COL21A1: variants seen among roughly 807,000 people sequenced by gnomAD.
COL21A1 encodes collagen alpha-1(XXI) chain.
COL21A1 carries 149 observed loss-of-function variants against 137.9 expected under a neutral mutation model. The observed-to-expected ratio is 1.08, with a 90% CI of 0.95 to 1.24. The LOEUF is 1.24. Among genes scored for constraint, COL21A1 ranks in the 50% most tolerant of loss-of-function variants. The pLI is 0.00. For synonymous variants in COL21A1, 456 were observed against 391.5 expected (o/e 1.16, Z -1.95); for missense variants, 1,167 against 1,158.4 (o/e 1.01, Z -0.11).
intron 12 of COL21A1, among the ~76,000 whole-genome samples, chr6:56,137,232 T>C (rs1315745195): frequency 6.6e-6 from 1 of 152,148 alleles, no homozygotes; most frequent in Non-Finnish European, 1.5e-5. Flanking sequence ...CCCACAGGAC[T>C]TTTTGTGAGG....
chr6:56,319,533 T>A (rs1245165280), intron 1 of COL21A1, among the ~76,000 whole-genome samples: 2 of 152,152 alleles, frequency 1.3e-5, no homozygotes, highest in Non-Finnish European at 2.9e-5. Flanking sequence ...AGACAAGGTT[T>A]CACCATGTTG....
upstream of COL21A1, among the ~76,000 whole-genome samples, chr6:56,251,096 C>A (rs12530020): frequency 0.23 from 35,722 of 152,034 alleles, 5,592 homozygotes; most frequent in East Asian, 0.66. Flanking sequence ...CTGCCTCATC[C>A]AAATGCAGGC....
chr6:56,069,661 C>A (rs962165149), intron 21 of COL21A1, among the ~76,000 whole-genome samples: 10 of 145,616 alleles, frequency 6.9e-5, no homozygotes, highest in African/African-American at 2.5e-4. Flanking sequence ...CATATACATG[C>A]ATAATTTTAT....
Position 56,057,760 on chromosome 6 carries a change from G to A in COL21A1, c.2771C>T (p.Pro924Leu). 6.2e-7 allele frequency: 1 copy of A among 1,610,954 alleles called. No homozygotes were observed. The highest frequency in any genetic ancestry group is 8.5e-7 in the Non-Finnish European group (1 of 1,178,622). The change falls in exon 30 of 30, where the codon CCT becomes CTT. Residue 924 changes from proline to leucine, a missense_variant. Pro to Leu is a moderately conservative substitution (Grantham distance 98, BLOSUM62 -3). Coordinates refer to ENST00000244728, the MANE Select transcript of COL21A1 (RefSeq NM_030820.4). ...GGGGCCTGGTTGCCCTTGGATTCCA[G>A]GTTTTCCATGGTCTCCATCTTTGCC... Reference protein sequence around the residue: ...LPGKDGDHGKPGIQGQPGPPG... With the variant: ...LPGKDGDHGKLGIQGQPGPPG...
chr6:56,238,140 A>G (rs890576805), intron 1 of COL21A1, among the ~76,000 whole-genome samples: 2 of 152,094 alleles, frequency 1.3e-5, no homozygotes, highest in African/African-American at 4.8e-5. Flanking sequence ...GTACTCTACT[A>G]TAAGCAGCAA....
At chr6:56,213,236 T>C (rs1484489557) in intron 1 of COL21A1, among the ~76,000 whole-genome samples, 2 of 152,128 alleles carry the variant, frequency 1.3e-5, no homozygotes, top group Non-Finnish European at 2.9e-5. Context: ...TTTATTTCAA[T>C]AGATAAAATA....
At chr6:56,066,473 C>T (rs1766260153) in intron 23 of COL21A1, among the ~76,000 whole-genome samples, 1 of 151,846 alleles carries the variant, frequency 6.6e-6, no homozygotes, top group African/African-American at 2.4e-5. Context: ...GCTTATTCTG[C>T]ATAGCAAAGC....
At chr6:56,375,963 A>T (rs372160328) in intron 1 of COL21A1, among the ~76,000 whole-genome samples, 42 of 152,306 alleles carry the variant, frequency 2.8e-4, no homozygotes, top group African/African-American at 9.6e-4. Context: ...AACATGTTGG[A>T]AGTAAATAAA....
chr6:56,060,687 G>C, intron 27 of COL21A1, 54 bp downstream of exon 27: 10 of 1,423,006 alleles, frequency 7.0e-6, no homozygotes, highest in Non-Finnish European at 9.7e-6. Flanking sequence ...CTAAGAATTT[G>C]TATTACTTTT....
chr6:56,306,917 CTGTT>C (rs1354666911), intron 1 of COL21A1, among the ~76,000 whole-genome samples: 2 of 152,134 alleles, frequency 1.3e-5, no homozygotes, highest in Admixed American at 6.5e-5. Context: ...GATGTCCTTT[CTGTT>C]TGTTAGTTTT....
chr6:56,306,426 A>G (rs976155437), intron 1 of COL21A1, among the ~76,000 whole-genome samples: 1 of 151,836 alleles, frequency 6.6e-6, no homozygotes, highest in African/African-American at 2.4e-5. Context: ...GGCTTTATTC[A>G]TTTCTTCTTA....
At chr6:56,229,834 G>T (rs1781437374) in intron 1 of COL21A1, among the ~76,000 whole-genome samples, 1 of 151,872 alleles carries the variant, frequency 6.6e-6, no homozygotes, top group Non-Finnish European at 1.5e-5. Flanking sequence ...TTGACAAACA[G>T]AACTAATAAG....
At chr6:56,381,036 T>A (rs942139000) in intron 1 of COL21A1, among the ~76,000 whole-genome samples, 4 of 152,136 alleles carry the variant, frequency 2.6e-5, no homozygotes, top group Non-Finnish European at 5.9e-5. Flanking sequence ...TTATTTCCCA[T>A]AGGAGCAATA....
chr6:56,350,783 G>A (rs367549984), intron 1 of COL21A1, among the ~76,000 whole-genome samples: 1 of 152,204 alleles, frequency 6.6e-6, no homozygotes, highest in African/African-American at 2.4e-5. Context: ...CCTTGGACTA[G>A]AGAAGAACAG....
chr6:56,082,728 C>G (rs1292802312), intron 17 of COL21A1, among the ~76,000 whole-genome samples: 1 of 151,638 alleles, frequency 6.6e-6, no homozygotes, highest in African/African-American at 2.4e-5. Flanking sequence ...TAACCATCCC[C>G]ACCAAATAAA....
chr6:56,125,455 G>C lies in COL21A1; in HGVS notation c.1650+112C>G, dbSNP rs542608362. ...TTGTTCTGAATTAATCCCCTAAGAAGGGTGAACAGAGCTAACTGTTCTAAT... is the reference window on the plus strand; with the variant it reads ...TTGTTCTGAATTAATCCCCTAAGAACGGTGAACAGAGCTAACTGTTCTAAT... On this transcript the variant is annotated intron_variant, in intron 14 of 29. Transcript: ENST00000244728. The C allele has an allele frequency of 5.9e-4, 379 of 638,392 alleles. 1 individual carries two copies. Among genetic ancestry groups the C allele is most frequent in the Admixed American group, 1.1e-3 (34 of 30,750 alleles). 39.5% of individuals were successfully genotyped at this position (638,392 alleles called of 1,614,324 possible).
At chr6:56,114,307 T>C (rs1263926535) in intron 16 of COL21A1, among the ~76,000 whole-genome samples, 3 of 152,118 alleles carry the variant, frequency 2.0e-5, no homozygotes, top group Non-Finnish European at 4.4e-5. Flanking sequence ...ATAGTGGTGG[T>C]GGTTACAGGG....
Position 56,179,757 on chromosome 6 carries a change from G to C in COL21A1, c.461C>G (p.Ala154Gly). The C allele has an allele frequency of 4.3e-6, 7 of 1,613,872 alleles. No homozygotes were observed. The highest frequency in any genetic ancestry group is 5.9e-6 in the Non-Finnish European group (7 of 1,179,838). ...CTTACTATCTCTTGCTGCTTGAGCT[G>C]CATCCTTGACGTCATCTTGGGATTT... ...DGKSQDDVKD[A>G]AQAARDSKIT... Residue 154 changes from alanine (A) to glycine (G), a missense_variant, in exon 3 of 30, where the codon GCA (alanine) becomes GGA (glycine). Coordinates refer to ENST00000244728, the MANE Select transcript of COL21A1 (RefSeq NM_030820.4).
At chr6:56,098,592 TAA>T (rs1262855104) in intron 17 of COL21A1, among the ~76,000 whole-genome samples, 16 of 27,724 alleles carry the variant, frequency 5.8e-4, no homozygotes, top group East Asian at 1.7e-3. Context: ...TATAAATATA[TAA>T]ATATATATAT....
Sources: gnomAD v4.1 joint callset for allele counts (sites outside exome capture counted in the v4.1 genomes callset) on GRCh38, gnomAD v4.1.1 for gene constraint, MANE v1.5 for transcripts, NCBI Gene and HGNC (gene_info 2026-07-23, HGNC 2026-07-21) for gene names.